Variants in FOXP2 observed in about 807,000 individuals in gnomAD.
The protein encoded by FOXP2 is forkhead box protein P2.
In FOXP2, 12 loss-of-function variants were observed where a neutral mutation model predicts 115.8. The ratio of observed to expected loss-of-function variants is 0.10; its 90% CI spans 0.07 to 0.17. The LOEUF is 0.17. Ranked by LOEUF, FOXP2 falls within the 10% of genes least tolerant of loss-of-function variation. FOXP2 has a pLI of 1.00. For missense variants in FOXP2, 629 were observed against 843.5 expected (o/e 0.75, Z 3.15); for synonymous variants, 328 against 297.7 (o/e 1.10, Z -1.05).
intron 1 of FOXP2, among the ~76,000 whole-genome samples, chr7:114,183,633 T>C (rs1255040227): frequency 6.6e-6 from 1 of 152,176 alleles, no homozygotes; most frequent in Non-Finnish European, 1.5e-5. Context: ...AACTATAAAT[T>C]GTAGAACAGT....
chr7:114,437,107 T>C (rs890436982), intron 2 of FOXP2, among the ~76,000 whole-genome samples: 1 of 152,196 alleles, frequency 6.6e-6, no homozygotes, highest in Non-Finnish European at 1.5e-5. Context: ...ACCTTTTTAA[T>C]TTAGCATTTG....
chr7:114,583,087 C>T (rs1205006023), intron 3 of FOXP2, among the ~76,000 whole-genome samples: 1 of 152,122 alleles, frequency 6.6e-6, no homozygotes, highest in Non-Finnish European at 1.5e-5. Context: ...AGTTGAAAAA[C>T]TTTGCTTTGC....
chr7:114,373,228 G>A (rs531616331), intron 2 of FOXP2, among the ~76,000 whole-genome samples: 6 of 152,222 alleles, frequency 3.9e-5, no homozygotes, highest in South Asian at 4.2e-4. Context: ...CACCGTGTTA[G>A]CCAGGATGGT....
rs955946785 is a variant in FOXP2 at position 114,608,958 on chromosome 7, G to A, written c.259-19582G>A. Among the ~76,000 whole-genome samples, 5 of 152,012 alleles carry A rather than the reference G, an allele frequency of 3.3e-5. No individual in the cohort carries two copies. In the East Asian group the frequency reaches 9.7e-4, roughly 29 times the overall value. On this transcript the variant is annotated intron_variant, in intron 3 of 16. Coordinates refer to ENST00000350908, the MANE Select transcript of FOXP2 (RefSeq NM_014491.4). Reference sequence around the variant, plus strand: ...TCACACCTGTAATCCCAGCACTTTGGAAGGCCGAGGCGGGCGGATCACCTG... The same window carrying A: ...TCACACCTGTAATCCCAGCACTTTGAAAGGCCGAGGCGGGCGGATCACCTG...
At chr7:114,237,838 G>C (rs558026428) in intron 1 of FOXP2, among the ~76,000 whole-genome samples, 2 of 152,084 alleles carry the variant, frequency 1.3e-5, no homozygotes, top group African/African-American at 4.8e-5. Flanking sequence ...ACCCAGGTGT[G>C]GTGGTGGGTG....
At chr7:114,499,947 G>T (rs1316975077) in intron 2 of FOXP2, among the ~76,000 whole-genome samples, 2 of 152,136 alleles carry the variant, frequency 1.3e-5, no homozygotes, top group East Asian at 3.9e-4. Flanking sequence ...AGGGCACGGT[G>T]GCTCACGCCT....
At chr7:114,316,048 C>T (rs1037232517) in intron 2 of FOXP2, among the ~76,000 whole-genome samples, 2 of 152,130 alleles carry the variant, frequency 1.3e-5, no homozygotes, top group African/African-American at 2.4e-5. Context: ...AGATACAGCA[C>T]TAAATAGACT....
rs182871673 is a variant in FOXP2 at position 114,240,761 on chromosome 7, T to C, written c.-101-47258T>C. Among the ~76,000 whole-genome samples, 398 of 152,184 alleles carry C rather than the reference T, an allele frequency of 2.6e-3. 2 individuals carry two copies. The highest frequency in any genetic ancestry group is 4.1e-3 in the Non-Finnish European group (281 of 67,914). ...TCTGGCAATAATCACTTTTATCTTA[T>C]TCATTTCCACTTCCTGTAAAGTTGG... On this transcript the variant is annotated intron_variant, in intron 1 of 17. Transcript: ENST00000634411.
At chr7:114,160,020 G>A (rs1029190098), upstream of FOXP2, among the ~76,000 whole-genome samples, 2 of 152,176 alleles carry the variant, frequency 1.3e-5, no homozygotes, top group Admixed American at 1.3e-4. Flanking sequence ...CCTGGTCTCT[G>A]AGCATGCATT....
At chr7:114,284,594 C>A (rs556598590) in intron 1 of FOXP2, among the ~76,000 whole-genome samples, 1 of 152,074 alleles carries the variant, frequency 6.6e-6, no homozygotes, top group Non-Finnish European at 1.5e-5. Flanking sequence ...AAAAGGAATG[C>A]TTATACGTTG....
At chr7:114,664,691 G>T in intron 16 of FOXP2, 1 of 492,456 alleles carries the variant, frequency 2.0e-6, no homozygotes, top group Non-Finnish European at 3.7e-6. Flanking sequence ...ATGTTCTCTT[G>T]GGCATAAAGC....
At chr7:114,597,330 G>A (rs2129311653) in intron 3 of FOXP2, among the ~76,000 whole-genome samples, 1 of 152,148 alleles carries the variant, frequency 6.6e-6, no homozygotes, top group Middle Eastern at 3.4e-3. Flanking sequence ...CTATGCAAGT[G>A]TGCCAAATAT....
chr7:114,590,906 C>T lies in FOXP2; in HGVS notation c.259-37634C>T, dbSNP rs1584930769. On this transcript the variant is annotated intron_variant, in intron 3 of 16. Coordinates refer to ENST00000350908, the MANE Select transcript of FOXP2 (RefSeq NM_014491.4). ...AATAAAGGATAATGTGATTATACTA[C>T]GTACTTTTTCTGGGGAAGGCAGACT... is the stretch of plus-strand genomic sequence containing the variant. Among the ~76,000 whole-genome samples the T allele has an allele frequency of 2.6e-5, 4 of 152,080 alleles. No homozygotes were observed. In the South Asian group the frequency reaches 6.2e-4, roughly 24 times the overall value.
At chr7:114,495,471 C>G (rs1381528763) in intron 2 of FOXP2, among the ~76,000 whole-genome samples, 4 of 66,004 alleles carry the variant, frequency 6.1e-5, no homozygotes, top group African/African-American at 2.1e-4. Flanking sequence ...TTTGTTTTTT[C>G]TTTCTCTCTC....
chr7:114,393,981 AGTGT>A lies in FOXP2; in HGVS notation c.-10-32499_-10-32496del, dbSNP rs1168823399. 5.2e-4 allele frequency among the ~76,000 whole-genome samples: 74 copies of A among 141,180 alleles called. 1 individual carries two copies. Among genetic ancestry groups the A allele is most frequent in the Non-Finnish European group, 7.0e-4 (45 of 64,702 alleles). 92.6% of individuals were successfully genotyped at this position (141,180 alleles called of 152,430 possible). ...CAGTGTGCATGTGTGTGTGTGTGAGAGTGTGTGTGTGTGTGTGTGTGTGTGAGAG... is the reference window on the plus strand; with the variant it reads ...CAGTGTGCATGTGTGTGTGTGTGAGAGTGTGTGTGTGTGTGTGTGTGAGAG... On this transcript the variant is annotated intron_variant, in intron 2 of 17. Transcript: ENST00000634411.
rs1796044151 is a variant in FOXP2, at chr7:114,271,575, T to C, written c.-101-16444T>C. On this transcript the variant is annotated intron_variant, in intron 1 of 17. Transcript: ENST00000634411. ...ATAATATATAATATATAATATAATT[T>C]ATATATTAATATTATTATAATATAA... 2.4e-5 allele frequency among the ~76,000 whole-genome samples: 3 copies of C among 126,320 alleles called. No individual in the cohort carries two copies. The Admixed American group carries it at 2.9e-4, about 12-fold the overall frequency. The allele number at this position is 126,320 out of a possible 152,430, so 82.9% of individuals were successfully genotyped here.
intron 2 of FOXP2, among the ~76,000 whole-genome samples, chr7:114,319,968 A>G (rs1797377252): frequency 6.6e-6 from 1 of 152,164 alleles, no homozygotes; most frequent in African/African-American, 2.4e-5. Flanking sequence ...GTCCCTGGGA[A>G]ATCTACTCAT....
At chr7:114,094,231 TA>T (rs1049437860) in intron 1 of FOXP2, among the ~76,000 whole-genome samples, 4 of 152,322 alleles carry the variant, frequency 2.6e-5, no homozygotes, top group Non-Finnish European at 5.9e-5. Context: ...TCCAAGTCTT[TA>T]AAGTTAAAAT....
chr7:114,266,794 G>A (rs963032958), intron 1 of FOXP2, among the ~76,000 whole-genome samples: 1 of 152,076 alleles, frequency 6.6e-6, no homozygotes, highest in Non-Finnish European at 1.5e-5. Context: ...ATATATTTTA[G>A]GATAGACACT....
Sources: allele counts gnomAD v4.1 joint callset (sites outside exome capture counted in the v4.1 genomes callset), GRCh38; gene constraint gnomAD v4.1.1; transcripts MANE v1.5; gene names NCBI Gene and HGNC (gene_info 2026-07-23, HGNC 2026-07-21).